UBE2C: variants seen among roughly 807,000 people sequenced by gnomAD.
UBE2C encodes the protein ubiquitin conjugating enzyme E2 C.
A neutral mutation model predicts 23.5 loss-of-function variants in UBE2C; 16 were observed. The observed-to-expected ratio is 0.68, with a 90% CI of 0.46 to 1.03. UBE2C has a LOEUF of 1.03. Among genes scored for constraint, UBE2C ranks in the 50% least tolerant of loss-of-function variants. The pLI, the probability that UBE2C is intolerant of heterozygous loss-of-function variation, is 0.00. For missense variants in UBE2C, 192 were observed against 227.6 expected (o/e 0.84, Z 1.01); for synonymous variants, 76 against 91.6 (o/e 0.83, Z 0.97).
At chr20:45,813,019 A>G (rs45486998) in intron 1 of UBE2C, 77,882 of 1,425,918 alleles carry the variant, frequency 0.055, 2,384 homozygotes, top group Middle Eastern at 0.084. Context: ...GAGATTCGAG[A>G]GATGGGGGAC....
In UBE2C at chr20:45,816,872, T is replaced by TTTTTG. The variant is rs1370399494; in HGVS notation, c.*115_*119dup. ...GGACTCTTTATCTTGAGCTGTGGTA[T>TTTTTG]TTTTGTTTTGTTTTTGTCTTTTAAA... On this transcript the variant is annotated 3_prime_UTR_variant, in exon 6 of 6. Coordinates refer to ENST00000356455, the MANE Select transcript of UBE2C (RefSeq NM_007019.4). 1 of 1,014,766 alleles carries TTTTTG rather than the reference T, an allele frequency of 9.9e-7. No individual in the cohort carries two copies. Among genetic ancestry groups the TTTTTG allele is most frequent in the East Asian group, 2.7e-5 (1 of 36,930 alleles). The allele number at this position is 1,014,766 out of a possible 1,614,324, so 62.9% of individuals were successfully genotyped here. A position where few individuals can be genotyped will look rare whatever the true frequency, so the allele number is the denominator to read the frequency against.
At position 45,815,663 on chromosome 20, in the gene UBE2C, A is replaced by G; in HGVS notation, c.339A>G (p.Ile113Met). ...YHPNVDTQGN[I>M]CLDILKEKWS... ...CCAACGTGGACACCCAGGGTAACAT[A>G]TGCCTGGACATCCTGAAGGAAAAGT... The change falls in exon 4 of 6, where the codon ATA becomes ATG. Residue 113 changes from isoleucine to methionine, a missense_variant. Ile to Met is a conservative substitution (Grantham distance 10, BLOSUM62 1). Transcript: ENST00000356455. 6.2e-7 allele frequency: 1 copy of G among 1,614,112 alleles called. No homozygotes were observed. Among genetic ancestry groups the G allele is most frequent in the Non-Finnish European group, 8.5e-7 (1 of 1,180,018 alleles).
rs775781892 is a variant in UBE2C, at chr20:45,815,767, C to G, written c.421+22C>G. ...GGAGGTGACTTTAGAGACCACCCCT[C>G]CCCTCCATGCAACTTGGGAACCTGT... On this transcript the variant is annotated intron_variant, in intron 4 of 5. Transcript: ENST00000356455. 1.2e-5 allele frequency: 20 copies of G among 1,611,910 alleles called. 1 individual carries two copies. In the South Asian group the frequency reaches 2.2e-4, roughly 18 times the overall value.
intron 3 of UBE2C, 157 bp from the exon 4 acceptor site, chr20:45,815,384 A>G (rs753552447): frequency 6.3e-7 from 1 of 1,577,692 alleles, no homozygotes; most frequent in Non-Finnish European, 8.6e-7. Context: ...AAAACTTTTT[A>G]AAAAGGCAGT....
intron 2 of UBE2C, among the ~76,000 whole-genome samples, chr20:45,813,965 C>A (rs1446315000): frequency 6.6e-6 from 1 of 151,796 alleles, no homozygotes; most frequent in Non-Finnish European, 1.5e-5. Context: ...ATTATCCAGG[C>A]ATGGTGGTGC....
chr20:45,816,630 C>T (rs977593131), intron 5 of UBE2C, 79 bp from the exon 6 acceptor site: 5 of 1,339,928 alleles, frequency 3.7e-6, no homozygotes, highest in Non-Finnish European at 5.3e-6. Flanking sequence ...GAGTGAGACT[C>T]CATCTCAAAA....
intron 4 of UBE2C, 27 bp from the exon 5 acceptor site, chr20:45,815,827 T>C (rs757200807): frequency 6.2e-7 from 1 of 1,614,030 alleles, no homozygotes; most frequent in South Asian, 1.1e-5. Flanking sequence ...TCTACCGCCT[T>C]GACCTTCTCT....
intron 1 of UBE2C, 141 bp downstream of exon 1, chr20:45,812,937 G>A: frequency 1.4e-6 from 2 of 1,430,074 alleles, no homozygotes; most frequent in East Asian, 5.0e-5. Flanking sequence ...CCAGGAGCTC[G>A]GGGCCTGGCA....
chr20:45,814,348 G>A, intron 2 of UBE2C, 36 bp from the exon 3 acceptor site: 2 of 1,553,546 alleles, frequency 1.3e-6, no homozygotes, highest in Non-Finnish European at 8.8e-7. Flanking sequence ...GCCCAAAAGT[G>A]TACTCCACAT....
Position 45,813,437 on chromosome 20 carries a change from G to C in UBE2C, c.102G>C (p.Arg34Ser). 2 of 1,614,112 alleles carry C rather than the reference G, an allele frequency of 1.2e-6. No individual in the cohort carries two copies. Among genetic ancestry groups the C allele is most frequent in the African/African-American group, 1.3e-5 (1 of 75,026 alleles). ...GTAACCCCGAATACTCTTTTTTCAG[G>C]CTACAGCAGGAGCTGATGACCCTCA... ...GGAARGPVGK[R>S]LQQELMTLMM... is the part of the protein sequence containing the mutation. Residue 34 changes from arginine (R) to serine (S), a missense_variant and splice_region_variant, in exon 2 of 6, where the codon AGG becomes AGC. Physicochemically the swap from Arg to Ser is moderately radical, Grantham distance 110. Transcript: ENST00000356455.
intron 1 of UBE2C, 160 bp downstream of exon 1, chr20:45,812,956 G>A: frequency 7.0e-7 from 1 of 1,433,260 alleles, no homozygotes; most frequent in South Asian, 1.5e-5. Flanking sequence ...CATTCCCCTG[G>A]GCATGGGTGT....
At chr20:45,815,028 G>A (rs1026664170) in intron 3 of UBE2C, among the ~76,000 whole-genome samples, 1 of 151,384 alleles carries the variant, frequency 6.6e-6, no homozygotes, top group East Asian at 2.0e-4. Context: ...TAGTAGAGAC[G>A]GGGTTTCACC....
chr20:45,815,370 TAAAA>T (rs749787205), intron 3 of UBE2C, 167 bp from the exon 4 acceptor site: 3 of 1,575,962 alleles, frequency 1.9e-6, no homozygotes, highest in Non-Finnish European at 1.7e-6. Flanking sequence ...AAAACTAAAC[TAAAA>T]AAACTTTTTA....
In UBE2C at chr20:45,815,533, A is replaced by T; in HGVS notation, c.217-8A>T. 1 of 1,613,990 alleles carries T rather than the reference A, an allele frequency of 6.2e-7. No individual in the cohort carries two copies. Among genetic ancestry groups the T allele is most frequent in the Non-Finnish European group, 8.5e-7 (1 of 1,179,978 alleles). On this transcript the variant is annotated splice_polypyrimidine_tract_variant and splice_region_variant and intron_variant, in intron 3 of 5. Transcript: ENST00000356455. ...AGCTTACTCTGCAACTGTTTCTCCAAATGCCAGGTATATGAAGACCTGAGG... is the reference window on the plus strand; with the variant it reads ...AGCTTACTCTGCAACTGTTTCTCCATATGCCAGGTATATGAAGACCTGAGG...
chr20:45,816,009 T>A, intron 5 of UBE2C, 96 bp downstream of exon 5: 1 of 1,433,358 alleles, frequency 7.0e-7, no homozygotes, highest in Non-Finnish European at 9.6e-7. Context: ...ACCGGGTTGG[T>A]TGGGGCAGGG....
Position 45,815,706 on chromosome 20 carries a change from G to A in UBE2C, c.382G>A (p.Val128Ile). Residue 128 changes from valine to isoleucine, a missense_variant, in exon 4 of 6, where the codon GTC becomes ATC. Val to Ile is a conservative substitution (Grantham distance 29). Transcript: ENST00000356455. ...LKEKWSALYD[V>I]RTILLSIQSL... ...GGAAAAGTGGTCTGCCCTGTATGAT[G>A]TCAGGACCATTCTGCTCTCCATCCA... 1 of 1,614,096 alleles carries A rather than the reference G, an allele frequency of 6.2e-7. No homozygotes were observed. The highest frequency in any genetic ancestry group is 8.5e-7 in the Non-Finnish European group (1 of 1,180,010).
At chr20:45,814,594 T>G in intron 3 of UBE2C, 124 bp downstream of exon 3, 7 of 660,140 alleles carry the variant, frequency 1.1e-5, no homozygotes, top group Non-Finnish European at 1.7e-5. Flanking sequence ...TTACATTCTC[T>G]GAGCCATGTG....
intron 3 of UBE2C, 71 bp from the exon 4 acceptor site, chr20:45,815,470 T>A: frequency 6.2e-7 from 1 of 1,614,150 alleles, no homozygotes; most frequent in Non-Finnish European, 8.5e-7. Flanking sequence ...GCAAGCCCCT[T>A]GTGTGGGGCT....
chr20:45,813,921 A>G (rs923612275), intron 2 of UBE2C, among the ~76,000 whole-genome samples: 56 of 152,156 alleles, frequency 3.7e-4, no homozygotes, highest in African/African-American at 1.3e-3. Context: ...CCTGGCCAAC[A>G]TTGCAAAACC....
Sources: gnomAD v4.1 joint callset for allele counts (sites outside exome capture counted in the v4.1 genomes callset) on GRCh38, gnomAD v4.1.1 for gene constraint, MANE v1.5 for transcripts, NCBI Gene and HGNC (gene_info 2026-07-23, HGNC 2026-07-21) for gene names.